PCK1: variants seen among roughly 807,000 people sequenced by gnomAD.
PCK1 encodes phosphoenolpyruvate carboxykinase, cytosolic [GTP].
In PCK1, 44 loss-of-function variants were observed where a neutral mutation model predicts 50.3. That is an observed-to-expected ratio of 0.87 (90% CI 0.69 to 1.12). The LOEUF (loss-of-function observed/expected upper bound fraction) is 1.12. PCK1 is among the 50% of genes most tolerant of loss of function. The pLI, the probability that PCK1 is intolerant of heterozygous loss-of-function variation, is 0.00. For missense variants in PCK1, 790 were observed against 815.0 expected (o/e 0.97, Z 0.37); for synonymous variants, 332 against 314.3 (o/e 1.06, Z -0.59).
rs2146527129 is a variant in PCK1 at position 57,562,453 on chromosome 20, A to G, written c.406+201A>G. On this transcript the variant is annotated intron_variant, in intron 3 of 9. Transcript: ENST00000319441. ...ACTGTCTTATACAAACGTGAAAACT[A>G]GTTCCATGCATATGGGTTTTAAATA... 6 of 627,920 alleles carry G rather than the reference A, an allele frequency of 9.6e-6. No homozygotes were observed. In the South Asian group the frequency reaches 1.2e-4, roughly 13 times the overall value. The allele number at this position is 627,920 out of a possible 1,614,324, so 38.9% of individuals were successfully genotyped here. A position where few individuals can be genotyped will look rare whatever the true frequency, so the allele number is the denominator to read the frequency against.
rs201179319 is a variant in PCK1 at position 57,566,151 on chromosome 20, G to GTA, written c.*357_*358dup. 1.1e-3 allele frequency: 258 copies of GTA among 226,472 alleles called. 5 individuals are homozygous for GTA. Among genetic ancestry groups the GTA allele is most frequent in the South Asian group, 2.2e-3 (34 of 15,152 alleles). 14.0% of individuals were successfully genotyped at this position (226,472 alleles called of 1,614,324 possible). On this transcript the variant is annotated 3_prime_UTR_variant, in exon 10 of 10. Coordinates refer to ENST00000319441, the MANE Select transcript of PCK1 (RefSeq NM_002591.4). ...TGCACACCAAAAAAATACTTGAGCT[G>GTA]TATATATATATGTGTGTGTGTGTGT...
At position 57,564,354 on chromosome 20, in the gene PCK1, A is replaced by T. The variant is rs369625007; in HGVS notation, c.1147A>T (p.Ile383Phe). 7 of 1,614,034 alleles carry T rather than the reference A, an allele frequency of 4.3e-6. No individual in the cohort carries two copies. The African/African-American group carries it at 9.3e-5, about 22-fold the overall frequency. ...IDEPLASGVT[I>F]TSWKNKEWSS... ...TGAGCCGCTAGCTTCAGGTGTCACC[A>T]TCACGTCCTGGAAGAATAAGGAGTG... Residue 383 changes from isoleucine (I) to phenylalanine (F), a missense_variant, in exon 7 of 10, where the codon ATC (isoleucine) becomes TTC (phenylalanine). Physicochemically the swap from Ile to Phe is conservative, Grantham distance 21. Coordinates refer to ENST00000319441, the MANE Select transcript of PCK1 (RefSeq NM_002591.4).
At chr20:57,562,338 T>C (rs2070154227) in intron 3 of PCK1, 86 bp downstream of exon 3, 1 of 1,175,404 alleles carries the variant, frequency 8.5e-7, no homozygotes. Context: ...CAAACAATAA[T>C]GGAAGCTCCC....
rs1164737624 is a variant in PCK1, at chr20:57,566,159, A to ATG, written c.*356_*357insGT. 8 of 167,468 alleles carry ATG rather than the reference A, an allele frequency of 4.8e-5. No homozygotes were observed. The highest frequency in any genetic ancestry group is 2.5e-4 in the East Asian group (2 of 8,146). 10.4% of individuals were successfully genotyped at this position (167,468 alleles called of 1,614,324 possible). On this transcript the variant is annotated 3_prime_UTR_variant, in exon 10 of 10. Coordinates refer to ENST00000319441, the MANE Select transcript of PCK1 (RefSeq NM_002591.4). Reference sequence around the variant, plus strand: ...AAAAAAATACTTGAGCTGTATATATATATGTGTGTGTGTGTGTGTGTGTGT... The same window carrying ATG: ...AAAAAAATACTTGAGCTGTATATATATGTATGTGTGTGTGTGTGTGTGTGTGT...
rs778879335 is a variant in PCK1, at chr20:57,563,171, A to G, written c.754A>G (p.Ser252Gly). ...GAAGTGCTTTGCTCTCAGGATGGCC[A>G]GCCGGCTGGCCAAGGAGGAAGGGTG... Reference protein sequence around the residue: ...GKKCFALRMASRLAKEEGWLA... With the variant: ...GKKCFALRMAGRLAKEEGWLA... Residue 252 changes from serine to glycine, a missense_variant, in exon 5 of 10, where the codon AGC becomes GGC. Ser to Gly is a moderately conservative substitution (Grantham distance 56). Transcript: ENST00000319441. 1.2e-6 allele frequency: 2 copies of G among 1,613,626 alleles called. No individual in the cohort carries two copies. Among genetic ancestry groups the G allele is most frequent in the African/African-American group, 2.7e-5 (2 of 74,940 alleles).
chr20:57,562,525 G>A, intron 3 of PCK1, 171 bp from the exon 4 acceptor site: 1 of 642,306 alleles, frequency 1.6e-6, no homozygotes, highest in Non-Finnish European at 2.7e-6. Context: ...TTTAATTTCA[G>A]CAGGCTGTTC....
Position 57,562,473 on chromosome 20 carries a change from T to C in PCK1, c.406+221T>C, listed in dbSNP as rs6025629. 0.016 allele frequency: 9,825 copies of C among 625,772 alleles called. 750 individuals are homozygous for C. The African/African-American group carries it at 0.16, about 10-fold the overall frequency. The allele number at this position is 625,772 out of a possible 1,614,324, so 38.8% of individuals were successfully genotyped here. ...AAACTAGTTCCATGCATATGGGTTT[T>C]AAATAGCTTGGTGGGACCCAATTGC... On this transcript the variant is annotated intron_variant, in intron 3 of 9. Coordinates refer to ENST00000319441, the MANE Select transcript of PCK1 (RefSeq NM_002591.4).
Position 57,563,535 on chromosome 20 carries a change from GATCACAATAAA to G in PCK1, c.799-29_799-19del, listed in dbSNP as rs778812472. 3.3e-6 allele frequency: 5 copies of G among 1,516,182 alleles called. No homozygotes were observed. In the East Asian group the frequency reaches 1.1e-4, roughly 35 times the overall value. The allele number at this position is 1,516,182 out of a possible 1,614,324, so 93.9% of individuals were successfully genotyped here. On this transcript the variant is annotated intron_variant, in intron 5 of 9. Transcript: ENST00000319441. ...CCAACCTCGGGGAGAAGGAAACAAAGATCACAATAAAGAATCTTGTCCCCAACAGATTCTGG... is the reference window on the plus strand; with the variant it reads ...CCAACCTCGGGGAGAAGGAAACAAAGGAATCTTGTCCCCAACAGATTCTGG...
intron 8 of PCK1, 199 bp downstream of exon 8, chr20:57,564,812 T>A: frequency 3.2e-6 from 2 of 629,070 alleles, no homozygotes; most frequent in Non-Finnish European, 5.5e-6. Context: ...CCTTTCTGAA[T>A]CCCTGATCTA....
At chr20:57,562,589 G>T (rs2070156845) in intron 3 of PCK1, 107 bp from the exon 4 acceptor site, 2 of 868,140 alleles carry the variant, frequency 2.3e-6, no homozygotes, top group African/African-American at 1.6e-5. Flanking sequence ...AGGGTGTGGT[G>T]GTGTTAGTGG....
At chr20:57,564,812 T>C (rs1600708268) in intron 8 of PCK1, 199 bp downstream of exon 8, 1 of 629,070 alleles carries the variant, frequency 1.6e-6, no homozygotes, top group Admixed American at 3.0e-5. Context: ...CCTTTCTGAA[T>C]CCCTGATCTA....
At position 57,564,600 on chromosome 20, in the gene PCK1, C is replaced by T. The variant is rs768311154; in HGVS notation, c.1305C>T (p.Gly435=). The T allele has an allele frequency of 5.4e-5, 87 of 1,597,620 alleles. No homozygotes were observed. The Admixed American group carries it at 1.5e-3, about 27-fold the overall frequency. ...CCATTGAAGGCATTATCTTTGGAGG[C>T]CGTAGACCTGCTGGTGAGGCTCTCC... ...GVPIEGIIFG[G]RRPAGVPLVY... is the part of the protein sequence containing the mutation. Residue 435 remains glycine, a synonymous_variant, in exon 8 of 10, where the codon GGC becomes GGT. Coordinates refer to ENST00000319441, the MANE Select transcript of PCK1 (RefSeq NM_002591.4).
At position 57,563,132 on chromosome 20, in the gene PCK1, T is replaced by C. The variant is rs1187137010; in HGVS notation, c.715T>C (p.Ser239Pro). 1 of 1,613,674 alleles carries C rather than the reference T, an allele frequency of 6.2e-7. No homozygotes were observed. Among genetic ancestry groups the C allele is most frequent in the African/African-American group, 1.3e-5 (1 of 74,890 alleles). The change falls in exon 5 of 10, where the codon TCG becomes CCG. Residue 239 changes from serine (S) to proline (P), a missense_variant. Ser to Pro is a moderately conservative substitution (Grantham distance 74, BLOSUM62 -1). Transcript: ENST00000319441. ...ISFGSGYGGN[S>P]LLGKKCFALR... ...CTTTGGCAGTGGGTACGGCGGGAAC[T>C]CGCTGCTCGGGAAGAAGTGCTTTGC...
chr20:57,563,073 TCGCCCAC>T lies in PCK1; in HGVS notation c.658_664del (p.Ala220CysfsTer45). The T allele has an allele frequency of 6.2e-7, 1 of 1,614,090 alleles. No homozygotes were observed. The highest frequency in any genetic ancestry group is 8.5e-7 in the Non-Finnish European group (1 of 1,180,032). On this transcript the variant is annotated frameshift_variant, in exon 5 of 10. Transcript: ENST00000319441. LOFTEE classifies it high-confidence loss of function. ...CCCTGCAACCCGGAGCTGACGCTCA[TCGCCCAC>T]CTGCCTGACCGCAGAGAGATCATCT... is the stretch of plus-strand genomic sequence containing the variant.
rs758033067 is a variant in PCK1 at position 57,562,822 on chromosome 20, C to T, written c.533C>T (p.Thr178Met). ...ASMRIMTRMG[T>M]PVLEAVGDGE... is the part of the protein sequence containing the mutation. ...ATGCGGATCATGACGCGGATGGGCA[C>T]GCCCGTCCTGGAAGCAGTGGGCGAT... Residue 178 changes from threonine (T) to methionine (M), a missense_variant, in exon 4 of 10, where the codon ACG becomes ATG. By Grantham distance (81) the Thr-to-Met change is moderately conservative. Coordinates refer to ENST00000319441, the MANE Select transcript of PCK1 (RefSeq NM_002591.4). 53 of 1,613,732 alleles carry T rather than the reference C, an allele frequency of 3.3e-5. No individual in the cohort carries two copies. The highest frequency in any genetic ancestry group is 6.7e-5 in the East Asian group (3 of 44,892).
At chr20:57,564,438 GC>G (rs1242258434) in intron 7 of PCK1, 43 bp from the exon 8 acceptor site, 2 of 1,614,030 alleles carry the variant, frequency 1.2e-6, no homozygotes, top group Non-Finnish European at 1.7e-6. Flanking sequence ...TGCAGGGACT[GC>G]CTGTTTGAGC....
At position 57,563,651 on chromosome 20, in the gene PCK1, G is replaced by A. The variant is rs545773547; in HGVS notation, c.885G>A (p.Met295Ile). The A allele has an allele frequency of 3.1e-6, 5 of 1,613,848 alleles. No individual in the cohort carries two copies. In the South Asian group the frequency reaches 4.4e-5, roughly 14 times the overall value. The change falls in exon 6 of 10, where the codon ATG (methionine) becomes ATA (isoleucine). Residue 295 changes from methionine to isoleucine, a missense_variant. Coordinates refer to ENST00000319441, the MANE Select transcript of PCK1 (RefSeq NM_002591.4). ...CCTGCGGGAAGACCAACCTGGCCAT[G>A]ATGAACCCCAGCCTCCCCGGGTGGA... ...PSACGKTNLA[M>I]MNPSLPGWKV...
intron 8 of PCK1, 113 bp downstream of exon 8, chr20:57,564,726 T>C (rs2070187013): frequency 2.1e-6 from 2 of 939,928 alleles, no homozygotes; most frequent in Non-Finnish European, 1.6e-6. Flanking sequence ...GGGCTTCCTT[T>C]CTTGAGCTTC....
chr20:57,564,001 C>T (rs374443192), intron 6 of PCK1, 168 bp from the exon 7 acceptor site: 306 of 628,670 alleles, frequency 4.9e-4, no homozygotes, highest in Non-Finnish European at 7.4e-4. Flanking sequence ...GAGTCGTAAA[C>T]GTATCAAAGT....
Sources: allele counts gnomAD v4.1 joint callset, GRCh38; gene constraint gnomAD v4.1.1; transcripts MANE v1.5; gene names NCBI Gene and HGNC (gene_info 2026-07-23, HGNC 2026-07-21).